The following SOS2 variants were observed in gnomAD, a reference collection of about 807,000 sequenced individuals.
SOS2 encodes SOS Ras/Rho guanine nucleotide exchange factor 2, also known as son of sevenless homolog 2.
SOS2 carries 65 observed loss-of-function variants against 148.2 expected under a neutral mutation model. The ratio of observed to expected loss-of-function variants is 0.44; its 90% CI spans 0.36 to 0.54. The LOEUF is 0.54. SOS2 is among the 20% of genes least tolerant of loss of function. The probability of loss-of-function intolerance (pLI) is 0.00; values close to 1 mark genes in which losing one functional copy is unlikely to be tolerated. For missense variants in SOS2, 1,341 were observed against 1,590.2 expected, an observed-to-expected ratio of 0.84 and a Z score of 2.67; for synonymous variants, 539 against 537.1, an observed-to-expected ratio of 1.00 and a Z score of -0.05.
In SOS2 at chr14:50,120,336, G is replaced by C. The variant is rs1261911065; in HGVS notation, c.3428C>G (p.Pro1143Arg). 3 of 1,608,946 alleles carry C rather than the reference G, an allele frequency of 1.9e-6. No individual in the cohort carries two copies. The highest frequency in any genetic ancestry group is 2.5e-6 in the Non-Finnish European group (3 of 1,176,726). ...AGGAGGAAGAGGAGGAGGAATCAGGGGCTCTTCACTTAGTTTATGTAAACT... is the reference window on the plus strand; with the variant it reads ...AGGAGGAAGAGGAGGAGGAATCAGGCGCTCTTCACTTAGTTTATGTAAACT... ...CGSLHKLSEE[P>R]LIPPPLPPRK... The change falls in exon 22 of 23, where the codon CCC becomes CGC. Residue 1143 changes from proline (P) to arginine (R), a missense_variant. This residue lies in a region of SOS2 where 354 missense variants were observed against 347.7 expected (regional missense o/e 1.02). Coordinates refer to ENST00000216373, the MANE Select transcript of SOS2 (RefSeq NM_006939.4).
chr14:50,184,864 C>CAAAA (rs34039045), intron 5 of SOS2, among the ~76,000 whole-genome samples: 1 of 57,122 alleles, frequency 1.8e-5, no homozygotes, highest in African/African-American at 6.5e-5. Flanking sequence ...ACCCTGTCTC[C>CAAAA]AAAAAAAAAA....
At chr14:50,215,369 C>A (rs1267545421) in intron 1 of SOS2, 2 of 1,276,534 alleles carry the variant, frequency 1.6e-6, no homozygotes, top group South Asian at 1.3e-5. Context: ...ATGTTAAAAT[C>A]TCACCCATAA....
chr14:50,147,659 A>G (rs1594972070), intron 14 of SOS2, among the ~76,000 whole-genome samples: 1 of 152,340 alleles, frequency 6.6e-6, no homozygotes, highest in Admixed American at 6.5e-5. Flanking sequence ...AAAGAGAGCA[A>G]TAAGATTTGG....
chr14:50,126,148 A>C (rs1883673157), intron 21 of SOS2, among the ~76,000 whole-genome samples: 1 of 152,358 alleles, frequency 6.6e-6, no homozygotes, highest in Non-Finnish European at 1.5e-5. Context: ...AAAGCCTCCA[A>C]TATGAAAGAC....
chr14:50,209,210 T>C (rs1046254050), intron 1 of SOS2, among the ~76,000 whole-genome samples: 3 of 151,758 alleles, frequency 2.0e-5, no homozygotes, highest in Non-Finnish European at 4.4e-5. Context: ...GGTCTGCAGC[T>C]TGACAAATGC....
intron 8 of SOS2, among the ~76,000 whole-genome samples, chr14:50,173,662 C>A (rs1440954356): frequency 6.6e-6 from 1 of 152,100 alleles, no homozygotes; most frequent in Non-Finnish European, 1.5e-5. Context: ...ACCTCATGAT[C>A]CACCCGCCTC....
chr14:50,128,974 T>G (rs1341406181), intron 21 of SOS2, among the ~76,000 whole-genome samples: 1 of 152,162 alleles, frequency 6.6e-6, no homozygotes, highest in Non-Finnish European at 1.5e-5. Context: ...AGACTAAGCT[T>G]ATTTTTCTCA....
At chr14:50,220,949 T>C (rs1003997361) in intron 1 of SOS2, among the ~76,000 whole-genome samples, 3 of 152,194 alleles carry the variant, frequency 2.0e-5, no homozygotes, top group African/African-American at 7.2e-5. Context: ...TTTGTTCCAG[T>C]GGCAGATCAT....
Position 50,144,172 on chromosome 14 carries a change from A to C in SOS2, c.2667+998T>G, listed in dbSNP as rs559347976. Among the ~76,000 whole-genome samples the C allele has an allele frequency of 1.1e-3, 172 of 152,224 alleles. 1 individual carries two copies. The highest frequency in any genetic ancestry group is 3.9e-3 in the African/African-American group (164 of 41,562). On this transcript the variant is annotated intron_variant, in intron 16 of 22. Transcript: ENST00000216373. ...ATTATCACAGAAAAAAATCAGAAAT[A>C]ACTTAATTGTCCCACAATCTACTGT... is the stretch of plus-strand genomic sequence containing the variant.
intron 8 of SOS2, among the ~76,000 whole-genome samples, chr14:50,173,728 G>A (rs1327789469): frequency 6.6e-6 from 1 of 152,086 alleles, no homozygotes; most frequent in African/African-American, 2.4e-5. Flanking sequence ...GCAGTAGTCA[G>A]CTTTTATCCA....
At chr14:50,175,523 A>G (rs1210842511) in intron 7 of SOS2, among the ~76,000 whole-genome samples, 1 of 151,532 alleles carries the variant, frequency 6.6e-6, no homozygotes, top group Non-Finnish European at 1.5e-5. Flanking sequence ...GCAAAAGGTA[A>G]CAAGTAAGAG....
intron 18 of SOS2, among the ~76,000 whole-genome samples, chr14:50,135,807 C>T (rs966657997): frequency 2.6e-5 from 4 of 151,048 alleles, no homozygotes; most frequent in African/African-American, 9.7e-5. Flanking sequence ...GTAATAATCT[C>T]CATATAGCTA....
intron 16 of SOS2, among the ~76,000 whole-genome samples, chr14:50,140,500 A>G (rs1884234672): frequency 6.6e-6 from 1 of 152,198 alleles, no homozygotes. Context: ...GTAAACTAGC[A>G]TTTCTTTTAT....
Position 50,120,366 on chromosome 14 carries a change from C to T in SOS2, c.3398G>A (p.Cys1133Tyr). Residue 1133 changes from cysteine to tyrosine, a missense_variant, in exon 22 of 23, where the codon TGT becomes TAT. Physicochemically the swap from Cys to Tyr is radical, Grantham distance 194. Transcript: ENST00000216373. The stretch of plus-strand genomic sequence containing the variant: ...TTCACTTAGTTTATGTAAACTACCA[C>T]ATGAACTAAAGAAAGACTCTGGGGG... ...LPHSKSFFSSCGSLHKLSEEP... is the reference protein window; with the variant it reads ...LPHSKSFFSSYGSLHKLSEEP... 1 of 1,579,646 alleles carries T rather than the reference C, an allele frequency of 6.3e-7. No homozygotes were observed. The highest frequency in any genetic ancestry group is 8.7e-7 in the Non-Finnish European group (1 of 1,151,508).
chr14:50,193,265 C>T (rs762985847), intron 4 of SOS2, among the ~76,000 whole-genome samples: 10 of 152,006 alleles, frequency 6.6e-5, no homozygotes, highest in Non-Finnish European at 1.3e-4. Flanking sequence ...TGGTCTCAAA[C>T]TCCTGGGCTC....
chr14:50,137,261 G>A (rs1884112260), intron 18 of SOS2, among the ~76,000 whole-genome samples: 1 of 152,072 alleles, frequency 6.6e-6, no homozygotes, highest in African/African-American at 2.4e-5. Context: ...CAATCGACAG[G>A]ATGTTAGAAA....
chr14:50,120,623 T>C lies in SOS2; in HGVS notation c.3380-239A>G, dbSNP rs78111482. Among the ~76,000 whole-genome samples, 3,131 of 152,242 alleles carry C rather than the reference T, an allele frequency of 0.021. 73 individuals are homozygous for C. The highest frequency in any genetic ancestry group is 0.026 in the Non-Finnish European group (1,755 of 68,022). Reference sequence around the variant, plus strand: ...ACTTCAGCTAAATGAAGGTGTACTATTTAATTATGATTAATGAGATTCTGC... The same window carrying C: ...ACTTCAGCTAAATGAAGGTGTACTACTTAATTATGATTAATGAGATTCTGC... On this transcript the variant is annotated intron_variant, in intron 21 of 22. Coordinates refer to ENST00000216373, the MANE Select transcript of SOS2 (RefSeq NM_006939.4).
intron 21 of SOS2, among the ~76,000 whole-genome samples, chr14:50,127,291 G>A (rs555593072): frequency 1.1e-4 from 16 of 152,080 alleles, no homozygotes; most frequent in African/African-American, 2.2e-4. Context: ...ACAGGCACAC[G>A]CCACTATGCC....
intron 16 of SOS2, among the ~76,000 whole-genome samples, chr14:50,142,763 C>T (rs2139567281): frequency 6.6e-6 from 1 of 152,332 alleles, no homozygotes; most frequent in South Asian, 2.1e-4. Context: ...ACAACTAATG[C>T]TGCAGTAACT....
Sources: allele counts gnomAD v4.1 joint callset (sites outside exome capture counted in the v4.1 genomes callset), GRCh38; gene constraint gnomAD v4.1.1; regional missense constraint gnomAD v4.1.1; transcripts MANE v1.5; gene names NCBI Gene and HGNC (gene_info 2026-07-23, HGNC 2026-07-21).